Variants in HPSE2 observed in about 807,000 individuals in gnomAD.
HPSE2 encodes the protein heparanase 2 (inactive), also known as inactive heparanase-2.
A neutral mutation model predicts 60.5 loss-of-function variants in HPSE2; 38 were observed. The ratio of observed to expected loss-of-function variants is 0.63; its 90% CI spans 0.48 to 0.82. The LOEUF (loss-of-function observed/expected upper bound fraction) is 0.82. Among genes scored for constraint, HPSE2 ranks in the 40% least tolerant of loss-of-function variants. The pLI is 0.00. For synonymous variants in HPSE2, 295 were observed against 293.2 expected, an observed-to-expected ratio of 1.01 and a Z score of -0.06; for missense variants, 713 against 740.4, an observed-to-expected ratio of 0.96 and a Z score of 0.43.
chr10:99,194,521 C>A (rs1221852586), intron 2 of HPSE2, among the ~76,000 whole-genome samples: 2 of 148,804 alleles, frequency 1.3e-5, no homozygotes, highest in African/African-American at 2.5e-5. Flanking sequence ...AATCTTTAGC[C>A]AGATTAAAAA....
intron 3 of HPSE2, among the ~76,000 whole-genome samples, chr10:98,917,792 A>G (rs139517243): frequency 6.6e-6 from 1 of 152,340 alleles, no homozygotes; most frequent in East Asian, 1.9e-4. Context: ...ACACTTGTAC[A>G]GGAGAAACTG....
At chr10:98,583,115 G>A (rs1261915942) in intron 9 of HPSE2, among the ~76,000 whole-genome samples, 1 of 152,192 alleles carries the variant, frequency 6.6e-6, no homozygotes, top group African/African-American at 2.4e-5. Context: ...GCCTGCTATT[G>A]AGGCAGGAGA....
chr10:98,641,083 C>G (rs1053007353), intron 7 of HPSE2, among the ~76,000 whole-genome samples: 1 of 152,166 alleles, frequency 6.6e-6, no homozygotes, highest in African/African-American at 2.4e-5. Context: ...TAAGATCTTA[C>G]TTGGCTAATT....
At chr10:98,468,020 C>T (rs1214956092) in intron 11 of HPSE2, among the ~76,000 whole-genome samples, 3 of 152,232 alleles carry the variant, frequency 2.0e-5, no homozygotes, top group Non-Finnish European at 4.4e-5. Flanking sequence ...GGCCGCCAGT[C>T]GGGTCGGCCC....
At chr10:98,885,685 GT>G (rs548643199) in intron 3 of HPSE2, among the ~76,000 whole-genome samples, 129 of 151,520 alleles carry the variant, frequency 8.5e-4, no homozygotes, top group Middle Eastern at 3.4e-3. Flanking sequence ...TGCCACTAAA[GT>G]TTTTTTTTAA....
intron 2 of HPSE2, among the ~76,000 whole-genome samples, chr10:99,187,971 G>T (rs1589797505): frequency 6.6e-6 from 1 of 152,108 alleles, no homozygotes; most frequent in Admixed American, 6.5e-5. Context: ...CCCAAAACTG[G>T]AAACAACCTA....
At chr10:98,982,193 G>GTC (rs768091836) in intron 3 of HPSE2, among the ~76,000 whole-genome samples, 49 of 152,088 alleles carry the variant, frequency 3.2e-4, no homozygotes, top group Non-Finnish European at 3.2e-4. Context: ...CCACTGATCT[G>GTC]AACAGTGTCA....
At chr10:99,195,607 C>T (rs1340579017) in intron 2 of HPSE2, among the ~76,000 whole-genome samples, 3 of 151,866 alleles carry the variant, frequency 2.0e-5, no homozygotes, top group Admixed American at 6.6e-5. Context: ...ATCCCACTTA[C>T]AGTAGCAAGA....
At chr10:99,311,151 T>C in the HPSE2 span, among the ~76,000 whole-genome samples, 1 of 152,146 alleles carries the variant, frequency 6.6e-6, no homozygotes. Context: ...ATTTAAAAAA[T>C]AAAAAAGTCT....
chr10:99,179,903 C>A (rs911361584), intron 2 of HPSE2, among the ~76,000 whole-genome samples: 1 of 152,090 alleles, frequency 6.6e-6, no homozygotes, highest in African/African-American at 2.4e-5. Flanking sequence ...GTACTGATAT[C>A]AAAACAGATA....
chr10:99,244,107 G>A, the HPSE2 span, among the ~76,000 whole-genome samples: 5 of 151,844 alleles, frequency 3.3e-5, no homozygotes, highest in Non-Finnish European at 5.9e-5. Flanking sequence ...GACTGCAGTG[G>A]TGCTATCTCG....
In HPSE2 at chr10:98,744,066, A is replaced by G. The variant is rs1473086632; in HGVS notation, c.611-10T>C. The G allele has an allele frequency of 6.2e-7, 1 of 1,613,012 alleles. No homozygotes were observed. Among genetic ancestry groups the G allele is most frequent in the Non-Finnish European group, 8.5e-7 (1 of 1,179,354 alleles). Reference sequence around the variant, plus strand: ...TTGTCTAGAGACCTGGCTGGGAAGAAGCAGAGAAAGGCTTGTAACTTTCAA... The same window carrying G: ...TTGTCTAGAGACCTGGCTGGGAAGAGGCAGAGAAAGGCTTGTAACTTTCAA... On this transcript the variant is annotated splice_polypyrimidine_tract_variant and intron_variant, in intron 3 of 11. Coordinates refer to ENST00000370552, the MANE Select transcript of HPSE2 (RefSeq NM_021828.5).
intron 3 of HPSE2, among the ~76,000 whole-genome samples, chr10:98,976,549 G>A (rs1282857208): frequency 2.0e-5 from 3 of 151,990 alleles, no homozygotes; most frequent in African/African-American, 7.2e-5. Context: ...ATTTAGCATG[G>A]GTGGTTGGGA....
Position 98,937,111 on chromosome 10 carries a change from T to C in HPSE2, c.611-193055A>G, listed in dbSNP as rs544025036. Among the ~76,000 whole-genome samples the C allele has an allele frequency of 6.8e-4, 98 of 143,328 alleles. 3 individuals are homozygous for C. In the South Asian group the frequency reaches 9.3e-3, roughly 14 times the overall value. 94.0% of individuals were successfully genotyped at this position (143,328 alleles called of 152,430 possible). ...ATTACCTGTGACAATGGAGCCAAGA[T>C]GGCTGAGTAGGAACAGCTCTGGTCT... On this transcript the variant is annotated intron_variant, in intron 3 of 11. Coordinates refer to ENST00000370552, the MANE Select transcript of HPSE2 (RefSeq NM_021828.5).
chr10:99,181,198 A>G (rs1196889638), intron 2 of HPSE2, among the ~76,000 whole-genome samples: 4 of 150,962 alleles, frequency 2.6e-5, no homozygotes, highest in Non-Finnish European at 4.4e-5. Context: ...GGAGATTGAG[A>G]CCATCCCGGC....
chr10:98,527,790 T>C (rs1388465019), intron 9 of HPSE2, among the ~76,000 whole-genome samples: 1 of 152,174 alleles, frequency 6.6e-6, no homozygotes, highest in East Asian at 1.9e-4. Context: ...TGGCACTCAA[T>C]AAATATTTGA....
chr10:98,526,672 G>A (rs1319168429), intron 9 of HPSE2, among the ~76,000 whole-genome samples: 5 of 152,182 alleles, frequency 3.3e-5, no homozygotes, highest in East Asian at 1.9e-4. Context: ...CTAATGGGAC[G>A]AAGGACGGGT....
chr10:99,121,999 T>A (rs187033095), intron 3 of HPSE2, among the ~76,000 whole-genome samples: 13 of 152,194 alleles, frequency 8.5e-5, no homozygotes, highest in Non-Finnish European at 1.9e-4. Context: ...GTCCACAAAA[T>A]TTTAAGGTGG....
At chr10:98,705,002 T>C (rs1948508169) in intron 5 of HPSE2, among the ~76,000 whole-genome samples, 1 of 152,088 alleles carries the variant, frequency 6.6e-6, no homozygotes, top group African/African-American at 2.4e-5. Context: ...AGTTTTGCAA[T>C]CTGCCCATCT....
Sources: gnomAD v4.1 joint callset for allele counts (sites outside exome capture counted in the v4.1 genomes callset) on GRCh38, gnomAD v4.1.1 for gene constraint, MANE v1.5 for transcripts, NCBI Gene and HGNC (gene_info 2026-07-23, HGNC 2026-07-21) for gene names.